TTC39C: variants seen among roughly 807,000 people sequenced by gnomAD.
The protein encoded by TTC39C is tetratricopeptide repeat domain 39C, also known as tetratricopeptide repeat protein 39C.
A neutral mutation model predicts 76.3 loss-of-function variants in TTC39C; 33 were observed. The observed-to-expected ratio is 0.43, with a 90% CI of 0.33 to 0.58. The LOEUF is 0.58. TTC39C is among the 20% of genes least tolerant of loss of function. TTC39C has a pLI of 0.04. For missense variants in TTC39C, 595 were observed against 701.4 expected, an observed-to-expected ratio of 0.85 and a Z score of 1.71; for synonymous variants, 254 against 260.6, an observed-to-expected ratio of 0.97 and a Z score of 0.24.
intron 11 of TTC39C, 119 bp from the exon 12 acceptor site, chr18:24,130,194 A>C: frequency 2.0e-6 from 1 of 494,210 alleles, no homozygotes; most frequent in Non-Finnish European, 3.7e-6. Context: ...GAAAGAAGAG[A>C]AAATCTGATC....
Position 24,058,191 on chromosome 18 carries a change from G to A in TTC39C, c.168-5949G>A, listed in dbSNP as rs117700470. The stretch of plus-strand genomic sequence containing the variant: ...GGAGGGTAGGAAGAGGGTGAGGATC[G>A]AAAAACTACCTATTGTGTACTATGC... On this transcript the variant is annotated intron_variant, in intron 1 of 13. Transcript: ENST00000317571. Among the ~76,000 whole-genome samples the A allele has an allele frequency of 8.8e-4, 134 of 152,246 alleles. No individual in the cohort carries two copies. The East Asian group carries it at 9.1e-3, about 10-fold the overall frequency.
intron 1 of TTC39C, among the ~76,000 whole-genome samples, chr18:24,002,410 T>C (rs941514576): frequency 9.9e-5 from 15 of 152,250 alleles, no homozygotes; most frequent in Admixed American, 3.3e-4. Flanking sequence ...TGATGGTTAC[T>C]TGCTCACAGA....
Position 24,128,997 on chromosome 18 carries a change from G to A in TTC39C, c.1518+14G>A. On this transcript the variant is annotated intron_variant, in intron 11 of 13. Coordinates refer to ENST00000317571, the MANE Select transcript of TTC39C (RefSeq NM_001135993.2). ...GATGCTGTTCAGGTAAACTGTTAAT[G>A]TTGTCAGGGCTAAAGAAAATAAGTC... 6.2e-7 allele frequency: 1 copy of A among 1,605,578 alleles called. No homozygotes were observed. The highest frequency in any genetic ancestry group is 8.5e-7 in the Non-Finnish European group (1 of 1,173,786).
Position 24,033,925 on chromosome 18 carries a change from CAAAGATG to C in TTC39C, c.167+18892_167+18898del, listed in dbSNP as rs149568021. Among the ~76,000 whole-genome samples the C allele has an allele frequency of 5.2e-3, 787 of 152,028 alleles. 11 individuals carry two copies. The highest frequency in any genetic ancestry group is 0.018 in the African/African-American group (758 of 41,444). On this transcript the variant is annotated intron_variant, in intron 1 of 13. Transcript: ENST00000317571. ...ATAATTGAAAGAGGACTTTGGCCAA[CAAAGATG>C]AAAGTGCAGCAAAGAAAAAAGTGGT...
At chr18:24,023,935 TATATATATATGCATG>T (rs2083547187) in intron 1 of TTC39C, among the ~76,000 whole-genome samples, 1 of 19,990 alleles carries the variant, frequency 5.0e-5, no homozygotes, top group African/African-American at 7.6e-5. Flanking sequence ...TAAAATTACA[TATATATATATGCATG>T]TATATATATA....
intron 3 of TTC39C, 138 bp from the exon 4 acceptor site, chr18:24,069,019 T>G (rs1265661501): frequency 4.7e-6 from 3 of 633,330 alleles, no homozygotes; most frequent in East Asian, 5.5e-5. Flanking sequence ...GCTCATAGGA[T>G]AAATTTGGGC....
chr18:24,134,257 G>GTTTTTTTTTTTTTTTTTTTTT lies in TTC39C; in HGVS notation c.*1689_*1690insTTTTTTTTTTTTTTTTTTTTT, dbSNP rs1182625147. 3.7e-4 allele frequency: 18 copies of GTTTTTTTTTTTTTTTTTTTTT among 48,688 alleles called. 7 individuals carry two copies. Among genetic ancestry groups the GTTTTTTTTTTTTTTTTTTTTT allele is most frequent in the Non-Finnish European group, 4.6e-4 (10 of 21,830 alleles). The allele number at this position is 48,688 out of a possible 1,614,324, so 3.0% of individuals were successfully genotyped here. A position where few individuals can be genotyped will look rare whatever the true frequency, so the allele number is the denominator to read the frequency against. On this transcript the variant is annotated 3_prime_UTR_variant, in exon 14 of 14. Coordinates refer to ENST00000317571, the MANE Select transcript of TTC39C (RefSeq NM_001135993.2). ...TGGTGCCCAAAAATATTGGACATCT[G>GTTTTTTTTTTTTTTTTTTTTT]TTTTTTGTTTTTTTTTTTTTTTTTT...
chr18:24,031,447 C>A, intron 1 of TTC39C, among the ~76,000 whole-genome samples: 1 of 152,214 alleles, frequency 6.6e-6, no homozygotes, highest in East Asian at 1.9e-4. Flanking sequence ...AGTTTTCTAG[C>A]CCTGATCTTC....
chr18:24,034,047 T>A (rs537650251), intron 1 of TTC39C, among the ~76,000 whole-genome samples: 1 of 152,320 alleles, frequency 6.6e-6, no homozygotes, highest in South Asian at 2.1e-4. Context: ...GGACTGTGGA[T>A]GTGCAGCCAC....
At position 23,996,033 on chromosome 18, in the gene TTC39C, C is replaced by G. The variant is rs140528434; in HGVS notation, c.-17+2995C>G. 1.5e-3 allele frequency among the ~76,000 whole-genome samples: 233 copies of G among 152,356 alleles called. 1 individual carries two copies. Among genetic ancestry groups the G allele is most frequent in the African/African-American group, 5.4e-3 (226 of 41,588 alleles). Reference sequence around the variant, plus strand: ...CTGTACCATTTTACATCTCCACCAGCAAGGAGAGATCCAATTTCTCCACAT... The same window carrying G: ...CTGTACCATTTTACATCTCCACCAGGAAGGAGAGATCCAATTTCTCCACAT... On this transcript the variant is annotated intron_variant, in intron 1 of 13. Transcript: ENST00000304621.
intron 6 of TTC39C, among the ~76,000 whole-genome samples, chr18:24,110,497 A>C (rs1230806249): frequency 6.6e-6 from 1 of 152,196 alleles, no homozygotes; most frequent in Non-Finnish European, 1.5e-5. Flanking sequence ...AATTAAATAT[A>C]TATATATGAG....
chr18:24,063,732 T>C (rs2084130402), intron 1 of TTC39C, among the ~76,000 whole-genome samples: 1 of 152,098 alleles, frequency 6.6e-6, no homozygotes, highest in African/African-American at 2.4e-5. Flanking sequence ...TAGGCTGGTC[T>C]CCAACTGCTA....
intron 10 of TTC39C, among the ~76,000 whole-genome samples, chr18:24,128,204 G>A (rs1011137191): frequency 6.6e-6 from 1 of 152,196 alleles, no homozygotes; most frequent in South Asian, 2.1e-4. Context: ...ATGAATGAAT[G>A]AACAAGTGAG....
At chr18:24,079,414 G>A (rs565376968) in intron 4 of TTC39C, among the ~76,000 whole-genome samples, 1 of 152,298 alleles carries the variant, frequency 6.6e-6, no homozygotes, top group Non-Finnish European at 1.5e-5. Context: ...TATACTTCAA[G>A]TCGTCTTTGT....
chr18:24,087,296 G>A (rs2084452627), intron 6 of TTC39C, among the ~76,000 whole-genome samples: 1 of 152,078 alleles, frequency 6.6e-6, no homozygotes, highest in Non-Finnish European at 1.5e-5. Flanking sequence ...TTCATAAACT[G>A]TTTTCAGTTG....
intron 1 of TTC39C, among the ~76,000 whole-genome samples, chr18:24,055,067 A>G (rs1478601740): frequency 3.3e-5 from 5 of 152,172 alleles, no homozygotes; most frequent in Admixed American, 6.5e-5. Context: ...TGCCACATGT[A>G]TCAGAATTTT....
At chr18:24,126,058 G>A (rs1466164954) in intron 10 of TTC39C, among the ~76,000 whole-genome samples, 1 of 152,084 alleles carries the variant, frequency 6.6e-6, no homozygotes, top group Non-Finnish European at 1.5e-5. Flanking sequence ...GGGGTGGTGT[G>A]CACCTATAGT....
In TTC39C at chr18:24,070,637, A is replaced by G. The variant is rs143313209; in HGVS notation, c.460+1366A>G. On this transcript the variant is annotated intron_variant, in intron 4 of 13. Transcript: ENST00000317571. ...AAGCAGGCGGATCACTTGAATCAGGAGTTCGAGACCAGCCTGGCCAACATG... is the reference window on the plus strand; with the variant it reads ...AAGCAGGCGGATCACTTGAATCAGGGGTTCGAGACCAGCCTGGCCAACATG... Among the ~76,000 whole-genome samples, 347 of 152,212 alleles carry G rather than the reference A, an allele frequency of 2.3e-3. 2 individuals are homozygous for G. Among genetic ancestry groups the G allele is most frequent in the South Asian group, 2.5e-3 (12 of 4,814 alleles).
intron 2 of TTC39C, among the ~76,000 whole-genome samples, chr18:24,065,432 A>G (rs1352013618): frequency 6.6e-6 from 1 of 152,186 alleles, no homozygotes. Context: ...GATTTCCCCT[A>G]CTTCGTTAAA....
Sources: allele counts gnomAD v4.1 joint callset (sites outside exome capture counted in the v4.1 genomes callset), GRCh38; gene constraint gnomAD v4.1.1; transcripts MANE v1.5; gene names NCBI Gene and HGNC (gene_info 2026-07-23, HGNC 2026-07-21).